UNC13C: variants seen among roughly 807,000 people sequenced by gnomAD.
UNC13C encodes the protein unc-13 homolog C.
Under a neutral mutation model 245.4 loss-of-function variants are expected in UNC13C, and 174 were observed. The observed-to-expected ratio is 0.71, with a 90% CI of 0.63 to 0.80. The LOEUF (loss-of-function observed/expected upper bound fraction) is 0.80, where lower values mean the gene tolerates loss of function less well. UNC13C is among the 30% of genes least tolerant of loss of function. The probability of loss-of-function intolerance (pLI) is 0.00; values close to 1 mark genes in which losing one functional copy is unlikely to be tolerated. For missense variants in UNC13C, 2,829 were observed against 2,602.9 expected (o/e 1.09, Z -1.89); for synonymous variants, 992 against 895.1 (o/e 1.11, Z -1.93).
chr15:54,209,118 C>T (rs1303233686), intron 4 of UNC13C, among the ~76,000 whole-genome samples: 1 of 152,102 alleles, frequency 6.6e-6, no homozygotes, highest in Non-Finnish European at 1.5e-5. Context: ...GCTCCTCCTC[C>T]CACTCTACTG....
intron 19 of UNC13C, among the ~76,000 whole-genome samples, chr15:54,454,283 C>T (rs960392878): frequency 6.6e-6 from 1 of 152,064 alleles, no homozygotes; most frequent in Admixed American, 6.6e-5. Context: ...ACCCAGTGAA[C>T]AATAACTCCC....
At chr15:54,285,043 A>G (rs1371866017) in intron 10 of UNC13C, among the ~76,000 whole-genome samples, 3 of 152,156 alleles carry the variant, frequency 2.0e-5, no homozygotes, top group Non-Finnish European at 4.4e-5. Flanking sequence ...CTTTGTTTCT[A>G]TGATCTGTTA....
chr15:54,438,328 C>A (rs1450672322), intron 19 of UNC13C, among the ~76,000 whole-genome samples: 1 of 151,964 alleles, frequency 6.6e-6, no homozygotes, highest in Non-Finnish European at 1.5e-5. Flanking sequence ...AGACGCCCAA[C>A]TGTTTGCTCT....
chr15:54,015,369 T>C lies in UNC13C; in HGVS notation c.2466T>C (p.Tyr822=), dbSNP rs1304165599. ...AAAGCACACAGAGTCTGAGTGGGTA[T>C]GAGGACAGTGGCTCTTCATTAATGG... ...WNKSTQSLSG[Y]EDSGSSLMGR... is the part of the protein sequence containing the mutation. The change falls in exon 2 of 33, where the codon TAT becomes TAC. Residue 822 remains tyrosine (Y), a synonymous_variant. Transcript: ENST00000260323. 1.9e-6 allele frequency: 3 copies of C among 1,613,724 alleles called. No homozygotes were observed. The African/African-American group carries it at 4.0e-5, about 22-fold the overall frequency.
intron 19 of UNC13C, among the ~76,000 whole-genome samples, chr15:54,433,341 A>G (rs921678972): frequency 1.4e-4 from 22 of 152,104 alleles, no homozygotes; most frequent in African/African-American, 5.1e-4. Context: ...TCAATAAAGT[A>G]CTGGCAAACC....
At chr15:53,964,832 G>A in the UNC13C span, among the ~76,000 whole-genome samples, 5 of 152,240 alleles carry the variant, frequency 3.3e-5, no homozygotes, top group East Asian at 3.9e-4. Context: ...CACTTTGGAG[G>A]ATCTGACAGC....
At chr15:54,537,825 A>G (rs961910339) in intron 26 of UNC13C, among the ~76,000 whole-genome samples, 6 of 152,112 alleles carry the variant, frequency 3.9e-5, no homozygotes, top group African/African-American at 1.4e-4. Flanking sequence ...TTCACTGTAT[A>G]CAAAAATCAA....
chr15:53,848,546 G>A, the UNC13C span, among the ~76,000 whole-genome samples: 1 of 152,046 alleles, frequency 6.6e-6, no homozygotes, highest in South Asian at 2.1e-4. Context: ...TAAGCACATG[G>A]TGTCTACTGG....
chr15:54,112,241 G>A (rs1051094384), intron 2 of UNC13C, among the ~76,000 whole-genome samples: 101 of 152,278 alleles, frequency 6.6e-4, no homozygotes, highest in African/African-American at 2.2e-3. Flanking sequence ...CACTTGTGGA[G>A]TGAGGTTAAG....
At chr15:54,348,778 A>T (rs898612139) in intron 17 of UNC13C, among the ~76,000 whole-genome samples, 3 of 152,182 alleles carry the variant, frequency 2.0e-5, no homozygotes, top group Admixed American at 6.5e-5. Context: ...CAGCAATGAA[A>T]GAAAAGTTAA....
At chr15:54,487,324 T>A (rs1195655156) in intron 19 of UNC13C, among the ~76,000 whole-genome samples, 1 of 152,218 alleles carries the variant, frequency 6.6e-6, no homozygotes, top group Non-Finnish European at 1.5e-5. Flanking sequence ...AAGGCACTAT[T>A]TCTTTAATTT....
At chr15:54,393,226 G>A (rs1304195177) in intron 18 of UNC13C, 45 bp downstream of exon 18, 3 of 1,434,470 alleles carry the variant, frequency 2.1e-6, no homozygotes, top group South Asian at 3.3e-5. Flanking sequence ...TTCCACTAAA[G>A]TTCAAATAAT....
At chr15:54,097,708 C>T (rs1899944170) in intron 2 of UNC13C, among the ~76,000 whole-genome samples, 2 of 152,086 alleles carry the variant, frequency 1.3e-5, no homozygotes, top group African/African-American at 2.4e-5. Flanking sequence ...TCCATTTGTT[C>T]ACCTGTCCAT....
In UNC13C at chr15:54,549,623, C is replaced by G. The variant is rs1566902778; in HGVS notation, c.5821-12C>G. On this transcript the variant is annotated splice_polypyrimidine_tract_variant and intron_variant, in intron 27 of 32. Transcript: ENST00000260323. ...AAGACTGAGTCTTCTCTCACTTTTT[C>G]TTTGTTTCTAGGGACCCCAGATGAT... 2 of 1,592,504 alleles carry G rather than the reference C, an allele frequency of 1.3e-6. No individual in the cohort carries two copies.
At chr15:54,617,100 T>C (rs1254301091) in intron 30 of UNC13C, among the ~76,000 whole-genome samples, 1 of 152,094 alleles carries the variant, frequency 6.6e-6, no homozygotes, top group Admixed American at 6.6e-5. Context: ...TTGATGATGT[T>C]CGCACAATGA....
intron 2 of UNC13C, among the ~76,000 whole-genome samples, chr15:54,111,458 G>C (rs1234054279): frequency 1.3e-5 from 2 of 152,092 alleles, no homozygotes; most frequent in African/African-American, 4.8e-5. Flanking sequence ...CATCATAACT[G>C]TTCTACTTGA....
intron 17 of UNC13C, among the ~76,000 whole-genome samples, chr15:54,366,754 T>C (rs772725588): frequency 2.0e-5 from 3 of 152,106 alleles, no homozygotes; most frequent in Non-Finnish European, 4.4e-5. Context: ...ATCTTGGCAA[T>C]GAATGGTGTT....
At chr15:54,068,576 T>G (rs1232417488) in intron 2 of UNC13C, among the ~76,000 whole-genome samples, 2 of 152,192 alleles carry the variant, frequency 1.3e-5, no homozygotes, top group Non-Finnish European at 2.9e-5. Flanking sequence ...TATTATCTGG[T>G]AGTTTACGAA....
chr15:54,074,085 T>C (rs1898467863), intron 2 of UNC13C, among the ~76,000 whole-genome samples: 1 of 152,068 alleles, frequency 6.6e-6, no homozygotes, highest in Non-Finnish European at 1.5e-5. Flanking sequence ...CCGGTTTCAG[T>C]TTTCTGCATA....
Sources: allele counts gnomAD v4.1 joint callset (sites outside exome capture counted in the v4.1 genomes callset), GRCh38; gene constraint gnomAD v4.1.1; transcripts MANE v1.5; gene names NCBI Gene and HGNC (gene_info 2026-07-23, HGNC 2026-07-21).